Variants in GNAO1 observed in about 807,000 individuals in gnomAD.
The protein encoded by GNAO1 is G protein subunit alpha o1, also known as guanine nucleotide-binding protein G(o) subunit alpha.
For missense variants in GNAO1, 166 were observed against 478.7 expected (o/e 0.35, Z 6.10); for synonymous variants, 164 against 180.7 (o/e 0.91, Z 0.74).
chr16:56,191,762 C>T lies in GNAO1; in HGVS notation c.-474C>T, dbSNP rs960558016. The T allele has an allele frequency of 4.6e-6, 1 of 215,138 alleles. No individual in the cohort carries two copies. The highest frequency in any genetic ancestry group is 9.2e-6 in the Non-Finnish European group (1 of 109,072). 13.3% of individuals were successfully genotyped at this position (215,138 alleles called of 1,614,324 possible). ...CCCTCCACATCCCGCGCCGCCGCCGCCGCCTCCTCCACCTCCTCCTCCGCC... is the reference window on the plus strand; with the variant it reads ...CCCTCCACATCCCGCGCCGCCGCCGTCGCCTCCTCCACCTCCTCCTCCGCC... On this transcript the variant is annotated 5_prime_UTR_variant, in exon 1 of 9. Transcript: ENST00000262493. The surrounding 1 kb of genome is among the most constrained non-coding windows in gnomAD (Gnocchi z 4.7).
intron 3 of GNAO1, among the ~76,000 whole-genome samples, chr16:56,323,673 A>T (rs1031852): frequency 6.6e-6 from 1 of 151,158 alleles, no homozygotes; most frequent in Non-Finnish European, 1.5e-5. Context: ...AAAAAAAAAA[A>T]ATCCAGCCTT....
chr16:56,250,617 C>A (rs902722402), intron 2 of GNAO1, among the ~76,000 whole-genome samples: 2 of 152,160 alleles, frequency 1.3e-5, no homozygotes, highest in African/African-American at 2.4e-5. Context: ...GGCAGAAATC[C>A]TGCCCAATGA....
chr16:56,334,945 A>G, intron 5 of GNAO1, 88 bp downstream of exon 5: 1 of 1,403,746 alleles, frequency 7.1e-7, no homozygotes, highest in Non-Finnish European at 9.9e-7. Context: ...CAGCGCCCAA[A>G]CATCATCCTG....
intron 6 of GNAO1, among the ~76,000 whole-genome samples, chr16:56,341,256 T>G (rs1209612750): frequency 6.6e-6 from 1 of 152,152 alleles, no homozygotes; most frequent in Non-Finnish European, 1.5e-5. Flanking sequence ...CTCCACTGTC[T>G]GCGCACAGGG....
At chr16:56,265,272 A>G (rs572563241) in intron 2 of GNAO1, among the ~76,000 whole-genome samples, 2 of 152,332 alleles carry the variant, frequency 1.3e-5, no homozygotes, top group Non-Finnish European at 2.9e-5. Flanking sequence ...AGCCACATCA[A>G]TGACTTCTTC....
intron 8 of GNAO1, chr16:56,355,779 G>A (rs2037962125): frequency 1.3e-5 from 2 of 152,220 alleles, no homozygotes; most frequent in African/African-American, 4.8e-5. Flanking sequence ...AAAAGCAGCT[G>A]ACAGGAGGGG....
intron 3 of GNAO1, among the ~76,000 whole-genome samples, chr16:56,282,283 A>G (rs1270833819): frequency 1.3e-5 from 2 of 152,262 alleles, no homozygotes; most frequent in African/African-American, 2.4e-5. Context: ...TATCTGCCGT[A>G]AGAGTAAATG....
At chr16:56,325,645 C>T (rs532759034) in intron 3 of GNAO1, among the ~76,000 whole-genome samples, 4 of 152,184 alleles carry the variant, frequency 2.6e-5, no homozygotes, top group East Asian at 1.9e-4. Flanking sequence ...AGGGGGAAGG[C>T]GGCTGGAGGA....
intron 4 of GNAO1, among the ~76,000 whole-genome samples, chr16:56,330,556 C>T (rs919449186): frequency 1.3e-5 from 2 of 152,182 alleles, no homozygotes; most frequent in Non-Finnish European, 2.9e-5. Context: ...CCCTGCCCCT[C>T]CCACTTTTAC....
At chr16:56,222,695 G>C (rs753262096) in intron 2 of GNAO1, among the ~76,000 whole-genome samples, 9 of 152,164 alleles carry the variant, frequency 5.9e-5, no homozygotes, top group Non-Finnish European at 1.2e-4. Context: ...AGGTGTGTGT[G>C]AGAAAGGAAA....
chr16:56,350,865 C>T (rs2037913453), intron 6 of GNAO1, among the ~76,000 whole-genome samples: 1 of 152,186 alleles, frequency 6.6e-6, no homozygotes, highest in African/African-American at 2.4e-5. Context: ...GCCCAGCTCT[C>T]CGGCTCCGGT....
chr16:56,225,805 A>G (rs1194784767), intron 2 of GNAO1, among the ~76,000 whole-genome samples: 1 of 152,094 alleles, frequency 6.6e-6, no homozygotes, highest in Admixed American at 6.6e-5. Context: ...CACAAAGTTA[A>G]CTAAATGAGA....
intron 3 of GNAO1, among the ~76,000 whole-genome samples, chr16:56,318,332 G>GC (rs569028912): frequency 2.2e-3 from 335 of 152,282 alleles, no homozygotes; most frequent in African/African-American, 7.6e-3. Flanking sequence ...GCCAGGCTGG[G>GC]CCCCCCCAGC....
At chr16:56,223,406 T>G (rs768190448) in intron 2 of GNAO1, among the ~76,000 whole-genome samples, 11 of 152,262 alleles carry the variant, frequency 7.2e-5, no homozygotes, top group Non-Finnish European at 1.5e-4. Flanking sequence ...TCTCTCTCTC[T>G]TTCTCTGATC....
intron 2 of GNAO1, among the ~76,000 whole-genome samples, chr16:56,223,089 G>T (rs1357807368): frequency 2.0e-5 from 3 of 152,232 alleles, no homozygotes; most frequent in African/African-American, 7.2e-5. Flanking sequence ...TTGTTTTACA[G>T]TTCTATTGGT....
chr16:56,275,114 A>G (rs1248001048), intron 2 of GNAO1, among the ~76,000 whole-genome samples: 1 of 152,240 alleles, frequency 6.6e-6, no homozygotes, highest in Non-Finnish European at 1.5e-5. Context: ...GAGTTTACAT[A>G]GTTCATTGAG....
chr16:56,289,931 T>C (rs2037213412), intron 3 of GNAO1, among the ~76,000 whole-genome samples: 1 of 152,214 alleles, frequency 6.6e-6, no homozygotes, highest in Non-Finnish European at 1.5e-5. Flanking sequence ...CCCCGTAATC[T>C]GTGCTCCACA....
chr16:56,263,216 A>G (rs1452457121), intron 2 of GNAO1, among the ~76,000 whole-genome samples: 3 of 152,210 alleles, frequency 2.0e-5, no homozygotes, highest in African/African-American at 7.2e-5. Flanking sequence ...GTGGAGAGAG[A>G]TATGTCCATC....
At chr16:56,331,807 C>T (rs1049976254) in intron 4 of GNAO1, among the ~76,000 whole-genome samples, 1 of 152,184 alleles carries the variant, frequency 6.6e-6, no homozygotes, top group Non-Finnish European at 1.5e-5. Context: ...CCCAGCCCTC[C>T]CTCCTGACTT....
Sources: gnomAD v4.1 joint callset for allele counts (sites outside exome capture counted in the v4.1 genomes callset) on GRCh38, gnomAD v4.1.1 for gene constraint, Gnocchi (gnomAD v3.1) non-coding constraint, MANE v1.5 for transcripts, NCBI Gene and HGNC (gene_info 2026-07-23, HGNC 2026-07-21) for gene names.